Variants in FHIT observed in about 807,000 individuals in gnomAD.
The protein encoded by FHIT is fragile histidine triad diadenosine triphosphatase.
A neutral mutation model predicts 17.9 loss-of-function variants in FHIT; 19 were observed. The observed-to-expected ratio is 1.06, with a 90% CI of 0.74 to 1.56. The LOEUF (loss-of-function observed/expected upper bound fraction) is 1.56, where lower values mean the gene tolerates loss of function less well. Ranked by LOEUF, FHIT falls within the 40% of genes most tolerant of loss-of-function variation. The pLI is 0.00. For missense variants in FHIT, 248 were observed against 189.2 expected, an observed-to-expected ratio of 1.31 and a Z score of -1.82; for synonymous variants, 81 against 69.7, an observed-to-expected ratio of 1.16 and a Z score of -0.81.
chr3:59,995,045 A>G (rs1041190652), intron 7 of FHIT, among the ~76,000 whole-genome samples: 1 of 152,000 alleles, frequency 6.6e-6, no homozygotes, highest in East Asian at 1.9e-4. Flanking sequence ...TCGATCTCCA[A>G]CTTAGCTAGG....
chr3:59,997,738 T>C (rs944136284), intron 7 of FHIT, among the ~76,000 whole-genome samples: 13 of 152,166 alleles, frequency 8.5e-5, no homozygotes, highest in African/African-American at 2.7e-4. Flanking sequence ...CTCATAGTCT[T>C]CCTTGACCTA....
At chr3:60,833,055 A>G (rs1702389017) in intron 3 of FHIT, among the ~76,000 whole-genome samples, 1 of 152,194 alleles carries the variant, frequency 6.6e-6, no homozygotes, top group African/African-American at 2.4e-5. Flanking sequence ...GGGCTGGTCA[A>G]ATTCCCCAGA....
At chr3:60,352,451 T>A (rs1236637191) in intron 5 of FHIT, among the ~76,000 whole-genome samples, 1 of 152,166 alleles carries the variant, frequency 6.6e-6, no homozygotes. Context: ...CATGTGTATA[T>A]TAACTCATAT....
chr3:59,898,232 T>C (rs1483962185), intron 8 of FHIT, among the ~76,000 whole-genome samples: 2 of 152,210 alleles, frequency 1.3e-5, no homozygotes, highest in Non-Finnish European at 2.9e-5. Flanking sequence ...ACGAGGTCCA[T>C]ATAAGACATA....
chr3:60,980,380 T>A (rs996796159), intron 3 of FHIT, among the ~76,000 whole-genome samples: 2 of 152,164 alleles, frequency 1.3e-5, no homozygotes, highest in African/African-American at 4.8e-5. Context: ...CAGACCATGA[T>A]CATTTGCTAA....
intron 5 of FHIT, among the ~76,000 whole-genome samples, chr3:60,531,908 T>G (rs535073297): frequency 2.6e-5 from 4 of 152,348 alleles, no homozygotes; most frequent in East Asian, 1.9e-4. Context: ...CTTTTGAATT[T>G]GGATCTTGGA....
chr3:60,350,585 A>C (rs1711035989), intron 5 of FHIT, among the ~76,000 whole-genome samples: 1 of 152,150 alleles, frequency 6.6e-6, no homozygotes, highest in South Asian at 2.1e-4. Context: ...AGGAAGCTAA[A>C]AACAAGTAAG....
chr3:60,250,772 TA>T (rs557752613), intron 5 of FHIT, among the ~76,000 whole-genome samples: 15 of 152,064 alleles, frequency 9.9e-5, no homozygotes, highest in African/African-American at 3.6e-4. Flanking sequence ...GAAGAAGAAT[TA>T]AAAAAAAGAC....
At chr3:60,466,029 C>G (rs535642581) in intron 5 of FHIT, among the ~76,000 whole-genome samples, 2 of 151,966 alleles carry the variant, frequency 1.3e-5, no homozygotes, top group Non-Finnish European at 2.9e-5. Flanking sequence ...CATGGAATAT[C>G]TTTCCATTTA....
chr3:60,358,303 G>C (rs1699758242), intron 5 of FHIT, among the ~76,000 whole-genome samples: 1 of 152,180 alleles, frequency 6.6e-6, no homozygotes, highest in South Asian at 2.1e-4. Context: ...TTTGATACTA[G>C]AGATGTATTT....
intron 3 of FHIT, among the ~76,000 whole-genome samples, chr3:60,825,360 AGATT>A (rs757745468): frequency 1.2e-4 from 19 of 152,244 alleles, no homozygotes; most frequent in Non-Finnish European, 2.2e-4. Flanking sequence ...TAAAAAGAAT[AGATT>A]GGTTTTATAG....
chr3:61,187,162 T>C (rs977908759), intron 2 of FHIT, among the ~76,000 whole-genome samples: 8 of 152,280 alleles, frequency 5.3e-5, no homozygotes, highest in African/African-American at 7.2e-5. Flanking sequence ...TCACTCAATA[T>C]ACAAATAATG....
chr3:59,935,281 G>A (rs113561178), intron 7 of FHIT, among the ~76,000 whole-genome samples: 1 of 152,138 alleles, frequency 6.6e-6, no homozygotes, highest in Non-Finnish European at 1.5e-5. Flanking sequence ...CTTCTCAGCT[G>A]TTGTTGTAGT....
chr3:61,188,242 A>C lies in FHIT; in HGVS notation c.-164+12375T>G, dbSNP rs183774207. ...CAAATAGATGCAGTAAAAAATGATA[A>C]AGGGGATATCACCACCGATCCCACG... On this transcript the variant is annotated intron_variant, in intron 2 of 9. Coordinates refer to ENST00000492590, the MANE Select transcript of FHIT (RefSeq NM_002012.4). Among the ~76,000 whole-genome samples, 141 of 152,344 alleles carry C rather than the reference A, an allele frequency of 9.3e-4. 1 individual carries two copies. The highest frequency in any genetic ancestry group is 2.5e-4 in the Non-Finnish European group (17 of 68,028).
intron 2 of FHIT, among the ~76,000 whole-genome samples, chr3:61,045,285 A>G: frequency 6.6e-6 from 1 of 152,200 alleles, no homozygotes; most frequent in Non-Finnish European, 1.5e-5. Flanking sequence ...GGGATGGAGG[A>G]AGATCTACCA....
At position 60,746,240 on chromosome 3, in the gene FHIT, C is replaced by T. The variant is rs79091976; in HGVS notation, c.-18+75679G>A. Among the ~76,000 whole-genome samples, 273 of 152,278 alleles carry T rather than the reference C, an allele frequency of 1.8e-3. 1 individual carries two copies. The highest frequency in any genetic ancestry group is 6.2e-3 in the African/African-American group (257 of 41,540). On this transcript the variant is annotated intron_variant, in intron 4 of 9. Transcript: ENST00000492590. ...AAAAGACAAAGGTTTCTCTTCATTT[C>T]CCCCAAAGGGAGTTAAGCAATGAGT... is the stretch of plus-strand genomic sequence containing the variant.
intron 8 of FHIT, among the ~76,000 whole-genome samples, chr3:59,902,863 C>T (rs1040087505): frequency 6.6e-6 from 1 of 152,164 alleles, no homozygotes; most frequent in Admixed American, 6.5e-5. Flanking sequence ...TGCTGGCACT[C>T]TAATGTCTGG....
intron 4 of FHIT, among the ~76,000 whole-genome samples, chr3:60,582,441 G>C (rs971987884): frequency 1.3e-5 from 2 of 152,066 alleles, no homozygotes; most frequent in Non-Finnish European, 2.9e-5. Context: ...TAGATAGTCT[G>C]AACTACGAAA....
intron 3 of FHIT, among the ~76,000 whole-genome samples, chr3:60,844,237 G>A (rs1242270763): frequency 4.6e-5 from 7 of 152,084 alleles, no homozygotes; most frequent in South Asian, 2.1e-4. Flanking sequence ...TTAGGTAACC[G>A]ATTAAAATTT....
Sources: allele counts gnomAD v4.1 joint callset (sites outside exome capture counted in the v4.1 genomes callset), GRCh38; gene constraint gnomAD v4.1.1; transcripts MANE v1.5; gene names NCBI Gene and HGNC (gene_info 2026-07-23, HGNC 2026-07-21).